PLXNA2: variants seen among roughly 807,000 people sequenced by gnomAD.
PLXNA2 encodes the protein plexin-A2.
Under a neutral mutation model 193.5 loss-of-function variants are expected in PLXNA2, and 91 were observed. That is an observed-to-expected ratio of 0.47 (90% CI 0.40 to 0.56). The LOEUF (loss-of-function observed/expected upper bound fraction) is 0.56, where lower values mean the gene tolerates loss of function less well. PLXNA2 is among the 20% of genes least tolerant of loss of function. PLXNA2 has a pLI of 0.00. For missense variants in PLXNA2, 1,995 were observed against 2,503.2 expected (o/e 0.80, Z 4.33); for synonymous variants, 997 against 1,027.3 (o/e 0.97, Z 0.56).
At chr1:208,230,876 A>G (rs1572058407) in intron 1 of PLXNA2, among the ~76,000 whole-genome samples, 1 of 152,296 alleles carries the variant, frequency 6.6e-6, no homozygotes, top group East Asian at 1.9e-4. Flanking sequence ...TCACAATTAC[A>G]CACACCAAGC....
chr1:208,093,407 G>T (rs1666776000), intron 8 of PLXNA2, among the ~76,000 whole-genome samples: 1 of 152,116 alleles, frequency 6.6e-6, no homozygotes, highest in African/African-American at 2.4e-5. Context: ...CTGCCACTGG[G>T]GTCACACTGA....
At chr1:208,031,161 C>T in intron 29 of PLXNA2, 2 of 1,005,616 alleles carry the variant, frequency 2.0e-6, no homozygotes, top group Non-Finnish European at 2.4e-6. Context: ...AGGGATTCCC[C>T]ATCTCAGGAA....
chr1:208,047,348 A>G (rs889406788), intron 17 of PLXNA2, among the ~76,000 whole-genome samples: 1 of 152,220 alleles, frequency 6.6e-6, no homozygotes, highest in Non-Finnish European at 1.5e-5. Context: ...TGGTTTTGAC[A>G]CAGAGTTCAT....
rs751472824 is a variant in PLXNA2 at position 208,105,163 on chromosome 1, GGCC to G, written c.1507-1919_1507-1917del. Among the ~76,000 whole-genome samples the G allele has an allele frequency of 3.3e-5, 5 of 152,322 alleles. No homozygotes were observed. In the East Asian group the frequency reaches 7.7e-4, roughly 24 times the overall value. On this transcript the variant is annotated intron_variant, in intron 4 of 31. Transcript: ENST00000367033. ...CAACCAGAGATCCTTCCTGGAGGGT[GGCC>G]AGGATGGGGTGGGATGCAGCAGATG...
chr1:208,123,139 A>C (rs2102452590), intron 4 of PLXNA2, among the ~76,000 whole-genome samples: 1 of 152,226 alleles, frequency 6.6e-6, no homozygotes, highest in East Asian at 1.9e-4. Context: ...GGATTCACCT[A>C]TTCTGGGCAT....
chr1:208,239,139 A>G lies in PLXNA2; in HGVS notation c.-81+4504T>C, dbSNP rs144099148. On this transcript the variant is annotated intron_variant, in intron 1 of 31. Transcript: ENST00000367033. The stretch of plus-strand genomic sequence containing the variant: ...AGTTTCGAATATATCTCATCTATTA[A>G]TATTTTTTTTCTTCTAAAAAAAAAA... Among the ~76,000 whole-genome samples the G allele has an allele frequency of 4.0e-3, 587 of 145,324 alleles. 4 individuals carry two copies. The highest frequency in any genetic ancestry group is 0.014 in the African/African-American group (561 of 39,380).
chr1:208,170,904 C>A (rs1669475226), intron 3 of PLXNA2, among the ~76,000 whole-genome samples: 1 of 152,124 alleles, frequency 6.6e-6, no homozygotes, highest in Non-Finnish European at 1.5e-5. Context: ...GTGCAGAGAG[C>A]AAGACAGAGG....
At chr1:208,180,615 C>T (rs1342021967) in intron 3 of PLXNA2, among the ~76,000 whole-genome samples, 4 of 152,182 alleles carry the variant, frequency 2.6e-5, no homozygotes, top group Admixed American at 6.5e-5. Flanking sequence ...CATTGGCATC[C>T]ATCCTAGAAA....
Position 208,052,363 on chromosome 1 carries a change from GC to G in PLXNA2, c.2956del (p.Ala986GlnfsTer16). On this transcript the variant is annotated frameshift_variant, in exon 15 of 32. Transcript: ENST00000367033. LOFTEE classifies it high-confidence loss of function. ...GHYLGAGSSV[A>X]VYLGNQTCEF... ...GCAGGTCTGGTTGCCCAGGTAGACT[GC>G]CACGCTGCTCCCAGCCCCAAGGTAA... 1 of 1,613,634 alleles carries G rather than the reference GC, an allele frequency of 6.2e-7. No individual in the cohort carries two copies. Among genetic ancestry groups the G allele is most frequent in the Non-Finnish European group, 8.5e-7 (1 of 1,180,012 alleles).
chr1:208,128,048 C>G (rs897275485), intron 4 of PLXNA2, among the ~76,000 whole-genome samples: 11 of 152,274 alleles, frequency 7.2e-5, no homozygotes, highest in African/African-American at 2.6e-4. Context: ...GCTGGGAGAG[C>G]TGCGGGGAGC....
intron 3 of PLXNA2, among the ~76,000 whole-genome samples, chr1:208,144,886 G>C (rs1450248042): frequency 6.6e-6 from 1 of 152,032 alleles, no homozygotes; most frequent in African/African-American, 2.4e-5. Context: ...CTAAGAGTCA[G>C]CAATGGTGTT....
intron 3 of PLXNA2, among the ~76,000 whole-genome samples, chr1:208,163,267 T>TA (rs1669190545): frequency 6.6e-6 from 1 of 152,236 alleles, no homozygotes; most frequent in South Asian, 2.1e-4. Flanking sequence ...ATACCCTACC[T>TA]ACAAGCTGCG....
intron 13 of PLXNA2, among the ~76,000 whole-genome samples, chr1:208,058,117 A>C (rs670590): frequency 1 from 152,165 of 152,310 alleles, 76,011 homozygotes; most frequent in Middle Eastern, 1. Context: ...CCTGGGGCGG[A>C]AGCACACACA....
intron 4 of PLXNA2, among the ~76,000 whole-genome samples, chr1:208,120,379 GCTTT>G (rs1169373698): frequency 2.6e-5 from 4 of 152,310 alleles, no homozygotes; most frequent in African/African-American, 9.6e-5. Flanking sequence ...AGGGGGTGAA[GCTTT>G]CTGAAGACAG....
rs1185854280 is a variant in PLXNA2 at position 208,023,297 on chromosome 1, G to C, written c.*3946C>G. 6.5e-6 allele frequency: 1 copy of C among 152,684 alleles called. No individual in the cohort carries two copies. Among genetic ancestry groups the C allele is most frequent in the Admixed American group, 6.5e-5 (1 of 15,284 alleles). The allele number at this position is 152,684 out of a possible 1,614,324, so 9.5% of individuals were successfully genotyped here. A position where few individuals can be genotyped will look rare whatever the true frequency, so the allele number is the denominator to read the frequency against. ...AAAAAAGACGGCCTCTCCTGGAGCAGCTGCTGGATCAGTATTTACCAGGAG... is the reference window on the plus strand; with the variant it reads ...AAAAAAGACGGCCTCTCCTGGAGCACCTGCTGGATCAGTATTTACCAGGAG... On this transcript the variant is annotated 3_prime_UTR_variant, in exon 32 of 32. Transcript: ENST00000367033.
In PLXNA2 at chr1:208,025,960, G is replaced by A. The variant is rs148965588; in HGVS notation, c.*1283C>T. 3.3e-5 allele frequency: 5 copies of A among 152,774 alleles called. No individual in the cohort carries two copies. The highest frequency in any genetic ancestry group is 4.8e-5 in the African/African-American group (2 of 41,584). 9.5% of individuals were successfully genotyped at this position (152,774 alleles called of 1,614,324 possible). On this transcript the variant is annotated 3_prime_UTR_variant, in exon 32 of 32. Transcript: ENST00000367033. ...TAGGCCCAGATGGTCAGGAGCTTCC[G>A]TATATGAGCGAAGGGTGGTCTCCCC...
chr1:208,112,975 C>G lies in PLXNA2; in HGVS notation c.1507-9728G>C, dbSNP rs573095345. 9.6e-5 allele frequency among the ~76,000 whole-genome samples: 12 copies of G among 125,324 alleles called. No homozygotes were observed. In the South Asian group the frequency reaches 3.1e-3, roughly 33 times the overall value. 82.2% of individuals were successfully genotyped at this position (125,324 alleles called of 152,430 possible). A position where few individuals can be genotyped will look rare whatever the true frequency, so the allele number is the denominator to read the frequency against. On this transcript the variant is annotated intron_variant, in intron 4 of 31. Coordinates refer to ENST00000367033, the MANE Select transcript of PLXNA2 (RefSeq NM_025179.4). Reference sequence around the variant, plus strand: ...TAGGGAGGTAGAAGTAGGACCCTTTCTAGGAAGTTCTGGTTTTTGGAAGGA... The same window carrying G: ...TAGGGAGGTAGAAGTAGGACCCTTTGTAGGAAGTTCTGGTTTTTGGAAGGA...
intron 9 of PLXNA2, among the ~76,000 whole-genome samples, chr1:208,092,402 A>G (rs967217067): frequency 6.6e-6 from 1 of 152,230 alleles, no homozygotes; most frequent in Non-Finnish European, 1.5e-5. Flanking sequence ...TGAAAGTTCT[A>G]TTGAACTAGA....
intron 2 of PLXNA2, 59 bp downstream of exon 2, chr1:208,216,676 C>T: frequency 6.4e-7 from 1 of 1,551,306 alleles, no homozygotes; most frequent in Non-Finnish European, 8.7e-7. Context: ...AGGGCATGGA[C>T]AGGAAGGTTG....
Sources: allele counts gnomAD v4.1 joint callset (sites outside exome capture counted in the v4.1 genomes callset), GRCh38; gene constraint gnomAD v4.1.1; transcripts MANE v1.5; gene names NCBI Gene and HGNC (gene_info 2026-07-23, HGNC 2026-07-21).